LMO3: variants seen among roughly 807,000 people sequenced by gnomAD.
The protein encoded by LMO3 is LIM domain only protein 3.
A neutral mutation model predicts 15.8 loss-of-function variants in LMO3; 2 were observed. That is an observed-to-expected ratio of 0.13 (90% CI 0.05 to 0.40). LMO3 has a LOEUF of 0.40. LMO3 is among the 10% of genes least tolerant of loss of function. LMO3 has a pLI of 0.99. For missense variants in LMO3, 86 were observed against 182.2 expected (o/e 0.47, Z 3.04); for synonymous variants, 62 against 63.8 (o/e 0.97, Z 0.13).
At chr12:16,577,569 CAAAT>C (rs556209596) in intron 2 of LMO3, among the ~76,000 whole-genome samples, 1 of 151,776 alleles carries the variant, frequency 6.6e-6, no homozygotes, top group Non-Finnish European at 1.5e-5. Context: ...TATAATAAAA[CAAAT>C]AAGAATTTCC....
At chr12:16,571,338 A>G (rs1344937074) in intron 2 of LMO3, among the ~76,000 whole-genome samples, 1 of 152,060 alleles carries the variant, frequency 6.6e-6, no homozygotes, top group Non-Finnish European at 1.5e-5. Flanking sequence ...AGCATATTCT[A>G]TTTGGTCACT....
intron 2 of LMO3, among the ~76,000 whole-genome samples, chr12:16,571,183 A>ATAAGT (rs1942802175): frequency 6.6e-6 from 1 of 152,130 alleles, no homozygotes. Flanking sequence ...CACCTATTGT[A>ATAAGT]TAAGTTAAAT....
At chr12:16,574,709 A>G (rs1007959809) in intron 2 of LMO3, among the ~76,000 whole-genome samples, 1 of 152,202 alleles carries the variant, frequency 6.6e-6, no homozygotes. Flanking sequence ...GCTTGTTTCC[A>G]ACCGCAAAGG....
At chr12:16,579,420 A>G (rs1363202954) in intron 2 of LMO3, among the ~76,000 whole-genome samples, 1 of 152,254 alleles carries the variant, frequency 6.6e-6, no homozygotes, top group Admixed American at 6.5e-5. Context: ...TAGGATTTAC[A>G]TAACCTTCCA....
At chr12:16,605,931 T>A (rs2137745808) in intron 1 of LMO3, 135 bp downstream of exon 1, 3 of 1,085,014 alleles carry the variant, frequency 2.8e-6, no homozygotes, top group South Asian at 2.8e-5. Flanking sequence ...GGAGCTGGGT[T>A]GCAGCTCCAG....
intron 1 of LMO3, among the ~76,000 whole-genome samples, chr12:16,602,853 T>A: frequency 6.6e-6 from 1 of 152,212 alleles, no homozygotes; most frequent in Middle Eastern, 3.2e-3. Flanking sequence ...AGTGAAATTC[T>A]GGATGGTGTT....
chr12:16,609,159 GATC>G (rs1232707036), upstream of LMO3: 1 of 152,130 alleles, frequency 6.6e-6, no homozygotes, highest in Non-Finnish European at 1.5e-5. Flanking sequence ...GCACAGATGT[GATC>G]ATCAGCGGTT....
intron 2 of LMO3, among the ~76,000 whole-genome samples, chr12:16,588,417 A>G (rs535740390): frequency 3.9e-5 from 6 of 152,134 alleles, no homozygotes; most frequent in African/African-American, 1.4e-4. Flanking sequence ...AGAAAACCTA[A>G]AACAACCTAA....
At chr12:16,606,182 G>C (rs1446721557), upstream of LMO3, 1 of 229,558 alleles carries the variant, frequency 4.4e-6, no homozygotes, top group Admixed American at 5.4e-5. Flanking sequence ...AAAAAAGACG[G>C]GGGAGGGAAT....
upstream of LMO3, chr12:16,606,572 TCTCGCTGGCTCCCTCG>T (rs1289815180): frequency 1.3e-5 from 2 of 148,800 alleles, no homozygotes; most frequent in Admixed American, 1.4e-4. Context: ...TCCCTCCCTC[TCTCGCTGGCTCCCTCG>T]CTCGCTCTCG....
intron 3 of LMO3, among the ~76,000 whole-genome samples, chr12:16,556,890 G>A (rs1287279969): frequency 6.6e-6 from 1 of 152,130 alleles, no homozygotes; most frequent in East Asian, 1.9e-4. Flanking sequence ...CTAAAGATAT[G>A]CAGTCCCATT....
intron 3 of LMO3, among the ~76,000 whole-genome samples, chr12:16,552,627 T>A (rs1421515465): frequency 1.3e-5 from 2 of 152,060 alleles, no homozygotes; most frequent in East Asian, 3.9e-4. Context: ...TTAGCTTTCC[T>A]CTTAAAGGAA....
At position 16,572,037 on chromosome 12, in the gene LMO3, G is replaced by A. The variant is rs189942465; in HGVS notation, c.207-11499C>T. On this transcript the variant is annotated intron_variant, in intron 2 of 3. Coordinates refer to ENST00000537304, the MANE Select transcript of LMO3 (RefSeq NM_018640.5). ...ATGAAAGCAATTATTTGTAGGATTA[G>A]ATGAACTCCTTTTTGGAATAAGAAA... Among the ~76,000 whole-genome samples the A allele has an allele frequency of 1.2e-3, 190 of 152,084 alleles. 2 individuals carry two copies. The highest frequency in any genetic ancestry group is 4.4e-3 in the Admixed American group (67 of 15,272).
chr12:16,565,738 T>C (rs1306744583), intron 2 of LMO3, among the ~76,000 whole-genome samples: 2 of 151,704 alleles, frequency 1.3e-5, no homozygotes, highest in African/African-American at 4.8e-5. Flanking sequence ...TGACACTCTG[T>C]TGGTGAGATT....
intron 1 of LMO3, among the ~76,000 whole-genome samples, chr12:16,601,420 C>T (rs1414733007): frequency 1.3e-5 from 2 of 152,172 alleles, no homozygotes; most frequent in Non-Finnish European, 2.9e-5. Flanking sequence ...ACCCAAAAAG[C>T]TCACCAATCC....
At chr12:16,609,501 G>T (rs1401312566), upstream of LMO3, among the ~76,000 whole-genome samples, 1 of 152,046 alleles carries the variant, frequency 6.6e-6, no homozygotes, top group Non-Finnish European at 1.5e-5. Context: ...AGATCTTTTT[G>T]GTCCGATTAC....
rs1319486313 is a variant in LMO3 at position 16,582,401 on chromosome 12, T to C, written c.206+18254A>G. On this transcript the variant is annotated intron_variant, in intron 2 of 3. Transcript: ENST00000537304. This position sits in a 1 kb window ranked among gnomAD's most constrained non-coding sequence, Gnocchi z 4.1. ...AATATCTTTCAAGTTTTTGTATCTG[T>C]ATGCAAAAATAGCATTAGTGTTTTA... 3.9e-5 allele frequency among the ~76,000 whole-genome samples: 6 copies of C among 152,250 alleles called. No individual in the cohort carries two copies. The highest frequency in any genetic ancestry group is 3.9e-4 in the Admixed American group (6 of 15,286).
chr12:16,599,011 C>A lies in LMO3; in HGVS notation c.206+1644G>T. ...GTAAAAGTCAAAAGGAGTCAAAAAG[C>A]TATGACTATTGGTTAGTACAGATAA... On this transcript the variant is annotated intron_variant, in intron 2 of 3. Coordinates refer to ENST00000537304, the MANE Select transcript of LMO3 (RefSeq NM_018640.5). This position sits in a 1 kb window ranked among gnomAD's most constrained non-coding sequence, Gnocchi z 4.1. 4.0e-6 allele frequency: 1 copy of A among 252,152 alleles called. No homozygotes were observed. Among genetic ancestry groups the A allele is most frequent in the Non-Finnish European group, 8.0e-6 (1 of 124,270 alleles). 15.6% of individuals were successfully genotyped at this position (252,152 alleles called of 1,614,324 possible). A position where few individuals can be genotyped will look rare whatever the true frequency, so the allele number is the denominator to read the frequency against.
At position 16,574,600 on chromosome 12, in the gene LMO3, C is replaced by T. The variant is rs558081717; in HGVS notation, c.207-14062G>A. ...CTTAGGAACTTTCCCCCTATTTGTACCACTTTTTAAATTTTAAATCTCAGT... is the reference window on the plus strand; with the variant it reads ...CTTAGGAACTTTCCCCCTATTTGTATCACTTTTTAAATTTTAAATCTCAGT... On this transcript the variant is annotated intron_variant, in intron 2 of 3. Coordinates refer to ENST00000537304, the MANE Select transcript of LMO3 (RefSeq NM_018640.5). 7.6e-4 allele frequency among the ~76,000 whole-genome samples: 116 copies of T among 152,172 alleles called. 1 individual carries two copies. Among genetic ancestry groups the T allele is most frequent in the African/African-American group, 2.7e-3 (114 of 41,500 alleles).
Sources: allele counts gnomAD v4.1 joint callset (sites outside exome capture counted in the v4.1 genomes callset), GRCh38; gene constraint gnomAD v4.1.1; non-coding constraint Gnocchi (gnomAD v3.1); transcripts MANE v1.5; gene names NCBI Gene and HGNC (gene_info 2026-07-23, HGNC 2026-07-21).